The following SATB1 variants were observed in gnomAD, a reference collection of about 807,000 sequenced individuals.
SATB1 encodes the protein DNA-binding protein SATB1.
SATB1 carries 11 observed loss-of-function variants against 86.9 expected under a neutral mutation model. The observed-to-expected ratio is 0.13, with a 90% CI of 0.08 to 0.21. The LOEUF is 0.21. Among genes scored for constraint, SATB1 ranks in the 10% least tolerant of loss-of-function variants. The pLI is 1.00. For synonymous variants in SATB1, 357 were observed against 357.2 expected (o/e 1.00, Z 0.01); for missense variants, 551 against 937.6 (o/e 0.59, Z 5.39).
Position 18,349,930 on chromosome 3 carries a change from G to A in SATB1, c.1780-248C>T, listed in dbSNP as rs565560322. The A allele has an allele frequency of 5.6e-5, 31 of 550,776 alleles. No individual in the cohort carries two copies. The East Asian group carries it at 7.8e-4, about 14-fold the overall frequency. 34.1% of individuals were successfully genotyped at this position (550,776 alleles called of 1,614,324 possible). A position where few individuals can be genotyped will look rare whatever the true frequency, so the allele number is the denominator to read the frequency against. ...TACTGCACTTACTTATCAGAGATCA[G>A]CAGAGGAAGTGAAAACTCAGTGCTC... On this transcript the variant is annotated intron_variant, in intron 10 of 10. Coordinates refer to ENST00000338745, the MANE Select transcript of SATB1 (RefSeq NM_002971.6). This position sits in a 1 kb window ranked among gnomAD's most constrained non-coding sequence, Gnocchi z 5.5.
rs1442405519 is a variant in SATB1 at position 18,378,194 on chromosome 3, T to C, written c.1551A>G (p.Ala517=). The change falls in exon 9 of 11, where the codon GCA becomes GCG. Residue 517 remains alanine (A), a synonymous_variant. Transcript: ENST00000338745. ...KRAKVSQALF[A]KVAATKSQGW... is the part of the protein sequence containing the mutation. ...CCTGGCTTTTGGTTGCTGCAACCTT[T>C]GCAAACAGTGCTTGAGACACTTTAG... The C allele has an allele frequency of 6.3e-7, 1 of 1,591,306 alleles. No homozygotes were observed. The highest frequency in any genetic ancestry group is 1.8e-5 in the Admixed American group (1 of 56,122).
chr3:18,352,348 A>C lies in SATB1; in HGVS notation c.1576-153T>G. The C allele has an allele frequency of 1.6e-6, 1 of 638,394 alleles. No individual in the cohort carries two copies. Among genetic ancestry groups the C allele is most frequent in the Non-Finnish European group, 2.7e-6 (1 of 372,536 alleles). The allele number at this position is 638,394 out of a possible 1,614,324, so 39.5% of individuals were successfully genotyped here. On this transcript the variant is annotated intron_variant, in intron 9 of 10. Coordinates refer to ENST00000338745, the MANE Select transcript of SATB1 (RefSeq NM_002971.6). This position sits in a 1 kb window ranked among gnomAD's most constrained non-coding sequence, Gnocchi z 4.1. ...TAAAAATTGTTTTTAACTTGTTAAG[A>C]GAGGTTATCTGTGGCTGTCAAGGAG...
At chr3:18,378,391 T>A (rs1695871182) in intron 8 of SATB1, 66 bp from the exon 9 acceptor site, 2 of 1,514,454 alleles carry the variant, frequency 1.3e-6, no homozygotes, top group Non-Finnish European at 1.8e-6. Flanking sequence ...CTTCTCAGGC[T>A]CAGCATCCAA....
Position 18,386,370 on chromosome 3 carries a change from G to T in SATB1, c.1419+29C>A. On this transcript the variant is annotated intron_variant, in intron 8 of 10. Coordinates refer to ENST00000338745, the MANE Select transcript of SATB1 (RefSeq NM_002971.6). This position sits in a 1 kb window ranked among gnomAD's most constrained non-coding sequence, Gnocchi z 4.5. The stretch of plus-strand genomic sequence containing the variant: ...AAGCATTAAAAAAAAGCTAAACAAA[G>T]AAGGGCAAGGAGGAAAAGGAGACCG... The T allele has an allele frequency of 6.4e-7, 1 of 1,553,488 alleles. No homozygotes were observed. Among genetic ancestry groups the T allele is most frequent in the Non-Finnish European group, 8.8e-7 (1 of 1,133,940 alleles).
chr3:18,400,182 G>A (rs1359090479), intron 5 of SATB1, among the ~76,000 whole-genome samples: 1 of 152,148 alleles, frequency 6.6e-6, no homozygotes, highest in Admixed American at 6.6e-5. Context: ...ACAGATAGTA[G>A]GCCAAGTTCC....
At position 18,346,057 on chromosome 3, in the gene SATB1, C is replaced by T. The variant is rs1426455643; in HGVS notation, c.*3113G>A. The T allele has an allele frequency of 6.6e-6, 1 of 152,014 alleles. No individual in the cohort carries two copies. Among genetic ancestry groups the T allele is most frequent in the Non-Finnish European group, 1.5e-5 (1 of 67,956 alleles). 9.4% of individuals were successfully genotyped at this position (152,014 alleles called of 1,614,324 possible). Reference sequence around the variant, plus strand: ...GAATTTCTTAGTACTAAATGCTAACCAATACACATTTTATACATAATATGT... The same window carrying T: ...GAATTTCTTAGTACTAAATGCTAACTAATACACATTTTATACATAATATGT... On this transcript the variant is annotated 3_prime_UTR_variant, in exon 11 of 11. Transcript: ENST00000338745.
intron 9 of SATB1, among the ~76,000 whole-genome samples, chr3:18,366,447 A>G (rs1446293844): frequency 6.6e-6 from 1 of 150,578 alleles, no homozygotes; most frequent in Non-Finnish European, 1.5e-5. Flanking sequence ...CCATCAATCA[A>G]TCAATCAATC....
chr3:18,411,478 T>C (rs543251967), intron 5 of SATB1, among the ~76,000 whole-genome samples: 16 of 152,222 alleles, frequency 1.1e-4, no homozygotes, highest in African/African-American at 3.6e-4. Flanking sequence ...TATCTAGTTT[T>C]TAAATGCAAT....
At chr3:18,429,444 A>C (rs1698818641), upstream of SATB1, among the ~76,000 whole-genome samples, 1 of 152,240 alleles carries the variant, frequency 6.6e-6, no homozygotes, top group Non-Finnish European at 1.5e-5. This position sits in a 1 kb window ranked among gnomAD's most constrained non-coding sequence, Gnocchi z 4.1. Flanking sequence ...ACAGTTTGGG[A>C]AACAATCTAC....
At chr3:18,421,832 C>A (rs1464152106) in intron 1 of SATB1, among the ~76,000 whole-genome samples, 4 of 149,788 alleles carry the variant, frequency 2.7e-5, no homozygotes, top group African/African-American at 9.8e-5. Context: ...GGTTGAAGTG[C>A]CAAGCTCAAT....
chr3:18,417,550 C>T (rs967558947), intron 2 of SATB1: 29 of 627,158 alleles, frequency 4.6e-5, no homozygotes, highest in African/African-American at 3.9e-4. Flanking sequence ...AAATTATCTT[C>T]GACCACGAAA....
intron 6 of SATB1, among the ~76,000 whole-genome samples, chr3:18,395,273 T>C (rs1272156999): frequency 6.6e-6 from 1 of 152,224 alleles, no homozygotes; most frequent in Non-Finnish European, 1.5e-5. Flanking sequence ...TAAAAGAATG[T>C]CATTTGCTTA....
chr3:18,362,295 ACTC>A (rs1226768073), intron 9 of SATB1, among the ~76,000 whole-genome samples: 4 of 152,078 alleles, frequency 2.6e-5, no homozygotes, highest in Admixed American at 2.6e-4. Flanking sequence ...TGAGTGGCAA[ACTC>A]CTCACTTTCC....
At chr3:18,389,977 T>C (rs971679821) in intron 7 of SATB1, among the ~76,000 whole-genome samples, 9 of 152,178 alleles carry the variant, frequency 5.9e-5, no homozygotes, top group African/African-American at 2.2e-4. Flanking sequence ...GTCAGAGTTC[T>C]AATTTTTTCA....
At chr3:18,440,366 T>C (rs2125210042), upstream of SATB1, among the ~76,000 whole-genome samples, 1 of 152,250 alleles carries the variant, frequency 6.6e-6, no homozygotes, top group East Asian at 1.9e-4. Flanking sequence ...AGGGAAATGA[T>C]AAGAAAAACT....
In SATB1 at chr3:18,386,348, C is replaced by T. The variant is rs780286811; in HGVS notation, c.1419+51G>A. The stretch of plus-strand genomic sequence containing the variant: ...TTTCTTATTGAGATTCTTCCTCAAG[C>T]ATTAAAAAAAAGCTAAACAAAGAAG... On this transcript the variant is annotated intron_variant, in intron 8 of 10. Coordinates refer to ENST00000338745, the MANE Select transcript of SATB1 (RefSeq NM_002971.6). The surrounding 1 kb of genome is among the most constrained non-coding windows in gnomAD (Gnocchi z 4.5). 20 of 1,351,190 alleles carry T rather than the reference C, an allele frequency of 1.5e-5. No homozygotes were observed. The highest frequency in any genetic ancestry group is 4.4e-5 in the African/African-American group (3 of 68,732). 83.7% of individuals were successfully genotyped at this position (1,351,190 alleles called of 1,614,324 possible).
intron 9 of SATB1, among the ~76,000 whole-genome samples, chr3:18,355,414 A>G (rs1694580916): frequency 6.6e-6 from 1 of 152,112 alleles, no homozygotes; most frequent in African/African-American, 2.4e-5. Context: ...GAAAATGACT[A>G]AAGAAGCCAA....
intron 5 of SATB1, 142 bp from the exon 6 acceptor site, chr3:18,397,432 C>T (rs577993971): frequency 7.4e-5 from 43 of 584,520 alleles, no homozygotes; most frequent in African/African-American, 3.7e-4. Flanking sequence ...CCTAAAGCTT[C>T]GACTTCTTAA....
At chr3:18,356,293 T>C (rs1039410365) in intron 9 of SATB1, among the ~76,000 whole-genome samples, 4 of 151,756 alleles carry the variant, frequency 2.6e-5, no homozygotes, top group African/African-American at 9.7e-5. Context: ...CCAAGAACCA[T>C]GTGCAAATGT....
Sources: allele counts gnomAD v4.1 joint callset (sites outside exome capture counted in the v4.1 genomes callset), GRCh38; gene constraint gnomAD v4.1.1; non-coding constraint Gnocchi (gnomAD v3.1); transcripts MANE v1.5; gene names NCBI Gene and HGNC (gene_info 2026-07-23, HGNC 2026-07-21).